The following RSF1 variants were observed in gnomAD, a reference collection of about 807,000 sequenced individuals.
RSF1 encodes HBV pX-associated protein 8.
In RSF1, 13 loss-of-function variants were observed where a neutral mutation model predicts 145.2. The ratio of observed to expected loss-of-function variants is 0.09; its 90% CI spans 0.06 to 0.14. The LOEUF (loss-of-function observed/expected upper bound fraction) is 0.14. Ranked by LOEUF, RSF1 falls within the 10% of genes least tolerant of loss-of-function variation. The pLI, the probability that RSF1 is intolerant of heterozygous loss-of-function variation, is 1.00. For missense variants in RSF1, 1,517 were observed against 1,718.2 expected, an observed-to-expected ratio of 0.88 and a Z score of 2.07; for synonymous variants, 577 against 592.6, an observed-to-expected ratio of 0.97 and a Z score of 0.38.
Position 77,663,021 on chromosome 11 carries a change from A to G in RSF1, c.*3896T>C, listed in dbSNP as rs985546379. On this transcript the variant is annotated 3_prime_UTR_variant, in exon 16 of 16. Transcript: ENST00000308488. ...ACTTATCTGAAGTGTGTGCGTGTGC[A>G]CACACACACACACATATACACATGT... The G allele has an allele frequency of 2.6e-5, 4 of 151,328 alleles. No individual in the cohort carries two copies. The highest frequency in any genetic ancestry group is 5.9e-5 in the Non-Finnish European group (4 of 67,730). The allele number at this position is 151,328 out of a possible 1,614,324, so 9.4% of individuals were successfully genotyped here.
upstream of RSF1, chr11:77,820,971 C>G (rs1382567221): frequency 7.4e-6 from 4 of 539,156 alleles, no homozygotes; most frequent in Non-Finnish European, 1.3e-5. Flanking sequence ...TTCTCTCCTC[C>G]CCTTCGGGCT....
Position 77,702,168 on chromosome 11 carries a change from C to T in RSF1, c.1061G>A (p.Gly354Asp), listed in dbSNP as rs1253615995. 2.5e-6 allele frequency: 4 copies of T among 1,613,918 alleles called. No individual in the cohort carries two copies. Among genetic ancestry groups the T allele is most frequent in the South Asian group, 1.1e-5 (1 of 91,052 alleles). Residue 354 changes from glycine (G) to aspartate (D), a missense_variant, in exon 6 of 16, where the codon GGT becomes GAT. Gly to Asp is a moderately conservative substitution (Grantham distance 94). Around this residue, in one of 12 missense-constraint regions of RSF1, gnomAD observed 207 missense variants for 191.4 expected, o/e 1.08. Coordinates refer to ENST00000308488, the MANE Select transcript of RSF1 (RefSeq NM_016578.4). Reference sequence around the variant, plus strand: ...TTCGTGAGAAGATTTAATATTGCCACCAAATTCGATCCTTTCAGGCTCCTG... The same window carrying T: ...TTCGTGAGAAGATTTAATATTGCCATCAAATTCGATCCTTTCAGGCTCCTG... Reference protein sequence around the residue: ...VAQEPERIEFGGNIKSSHEIT... With the variant: ...VAQEPERIEFDGNIKSSHEIT...
intron 4 of RSF1, chr11:77,735,112 G>A (rs937597910): frequency 3.2e-5 from 25 of 788,244 alleles, no homozygotes; most frequent in Admixed American, 4.0e-5. Flanking sequence ...GTCTGAGGGT[G>A]CCGTGAAGAG....
At chr11:77,769,964 T>C (rs1197884453) in intron 1 of RSF1, among the ~76,000 whole-genome samples, 1 of 152,230 alleles carries the variant, frequency 6.6e-6, no homozygotes, top group Non-Finnish European at 1.5e-5. Context: ...TTTTAGTTAC[T>C]GCCCAGTTTT....
intron 1 of RSF1, among the ~76,000 whole-genome samples, chr11:77,782,024 T>C (rs1375179014): frequency 6.6e-6 from 1 of 152,266 alleles, no homozygotes; most frequent in Non-Finnish European, 1.5e-5. Context: ...ATTAATATAG[T>C]AATTCCAGCT....
intron 1 of RSF1, among the ~76,000 whole-genome samples, chr11:77,814,562 C>T (rs1283649912): frequency 1.3e-5 from 2 of 152,074 alleles, no homozygotes; most frequent in African/African-American, 2.4e-5. Context: ...TCTCCTGCCT[C>T]GGTCTCCCGA....
chr11:77,767,762 A>G (rs1024117434), intron 1 of RSF1, among the ~76,000 whole-genome samples: 54 of 152,084 alleles, frequency 3.6e-4, no homozygotes, highest in African/African-American at 1.2e-3. Flanking sequence ...TGTCTGTATC[A>G]CTCATTAAGC....
At chr11:77,761,607 T>C (rs536375637) in intron 2 of RSF1, among the ~76,000 whole-genome samples, 2 of 152,300 alleles carry the variant, frequency 1.3e-5, no homozygotes, top group Admixed American at 1.3e-4. Context: ...CATAGTGGTA[T>C]TCATTATCCA....
chr11:77,820,829 C>A, upstream of RSF1: 5 of 1,073,056 alleles, frequency 4.7e-6, no homozygotes, highest in Non-Finnish European at 6.5e-6. Flanking sequence ...GGCTCCTCTG[C>A]GGATCCCAGC....
At chr11:77,702,693 T>TA (rs1319492534) in intron 5 of RSF1, 198 bp from the exon 6 acceptor site, 13 of 385,276 alleles carry the variant, frequency 3.4e-5, no homozygotes, top group East Asian at 1.2e-4. Flanking sequence ...TTCTAGATAT[T>TA]AAAAAAAATT....
chr11:77,686,427 A>AAAAAAAAAAAAAAAAC (rs1393704716), intron 9 of RSF1, among the ~76,000 whole-genome samples: 1 of 150,298 alleles, frequency 6.7e-6, no homozygotes, highest in Non-Finnish European at 1.5e-5. Flanking sequence ...AAAAAAAAAA[A>AAAAAAAAAAAAAAAAC]AGCAGGTGTT....
At chr11:77,757,184 T>C (rs1948124591) in intron 2 of RSF1, among the ~76,000 whole-genome samples, 1 of 152,192 alleles carries the variant, frequency 6.6e-6, no homozygotes, top group Non-Finnish European at 1.5e-5. Flanking sequence ...GATTATGGCA[T>C]GTTCTGTCAA....
At chr11:77,671,258 A>G (rs1959541706) in intron 15 of RSF1, among the ~76,000 whole-genome samples, 1 of 146,176 alleles carries the variant, frequency 6.8e-6, no homozygotes, top group African/African-American at 2.5e-5. Context: ...AAATGGATGT[A>G]AGAAATTCAT....
intron 4 of RSF1, among the ~76,000 whole-genome samples, chr11:77,740,476 C>T (rs564944842): frequency 6.6e-5 from 10 of 152,316 alleles, no homozygotes; most frequent in African/African-American, 2.2e-4. Flanking sequence ...TATAATTATT[C>T]AGATTCTGGC....
chr11:77,799,729 T>A (rs911604478), intron 1 of RSF1, among the ~76,000 whole-genome samples: 1 of 152,160 alleles, frequency 6.6e-6, no homozygotes, highest in Admixed American at 6.5e-5. Context: ...AAAAGCTGGT[T>A]GTTTGAAAAG....
chr11:77,722,773 G>A (rs961402189), intron 5 of RSF1, among the ~76,000 whole-genome samples: 1 of 152,166 alleles, frequency 6.6e-6, no homozygotes, highest in East Asian at 1.9e-4. Context: ...CCCAATAAAT[G>A]TTAGCTGTTG....
At chr11:77,791,972 C>G (rs974066480) in intron 1 of RSF1, among the ~76,000 whole-genome samples, 3 of 152,176 alleles carry the variant, frequency 2.0e-5, no homozygotes, top group African/African-American at 7.2e-5. Flanking sequence ...CAGCAACACC[C>G]CACTCTACTG....
chr11:77,859,692 T>G, the RSF1 span, among the ~76,000 whole-genome samples: 2 of 152,150 alleles, frequency 1.3e-5, no homozygotes, highest in African/African-American at 4.8e-5. Context: ...GTATACAAGT[T>G]GAGGTTGGGA....
intron 14 of RSF1, among the ~76,000 whole-genome samples, chr11:77,674,105 G>A (rs1590822404): frequency 6.6e-6 from 1 of 152,110 alleles, no homozygotes. Flanking sequence ...TTGCATTGTG[G>A]TGATGTAAGA....
Sources: gnomAD v4.1 joint callset for allele counts (sites outside exome capture counted in the v4.1 genomes callset) on GRCh38, gnomAD v4.1.1 for gene constraint, gnomAD v4.1.1 regional missense constraint, MANE v1.5 for transcripts, NCBI Gene and HGNC (gene_info 2026-07-23, HGNC 2026-07-21) for gene names.